Variants in SMYD3 observed in about 807,000 individuals in gnomAD.
SMYD3 encodes the protein SET and MYND domain containing 3.
A neutral mutation model predicts 57.7 loss-of-function variants in SMYD3; 36 were observed. That is an observed-to-expected ratio of 0.62 (90% CI 0.48 to 0.82). SMYD3 has a LOEUF of 0.82. Among genes scored for constraint, SMYD3 ranks in the 40% least tolerant of loss-of-function variants. The probability of loss-of-function intolerance (pLI) is 0.00; values close to 1 mark genes in which losing one functional copy is unlikely to be tolerated. For synonymous variants in SMYD3, 211 were observed against 195.0 expected (o/e 1.08, Z -0.68); for missense variants, 515 against 538.8 (o/e 0.96, Z 0.44).
chr1:246,425,654 T>C (rs1227329409), intron 1 of SMYD3, among the ~76,000 whole-genome samples: 1 of 152,226 alleles, frequency 6.6e-6, no homozygotes, highest in Non-Finnish European at 1.5e-5. Context: ...CCAATGGGAT[T>C]GAGCTTCAGT....
At chr1:246,489,357 A>T (rs960271430) in intron 1 of SMYD3, among the ~76,000 whole-genome samples, 18 of 152,170 alleles carry the variant, frequency 1.2e-4, no homozygotes, top group Non-Finnish European at 2.9e-5. Flanking sequence ...ATCTCAAAAA[A>T]AATAATAAAA....
intron 5 of SMYD3, among the ~76,000 whole-genome samples, chr1:246,295,561 G>A (rs1235466026): frequency 6.6e-6 from 1 of 152,134 alleles, no homozygotes. Flanking sequence ...TTGCAATCAA[G>A]ATGCTGGTGG....
intron 10 of SMYD3, among the ~76,000 whole-genome samples, chr1:245,798,538 G>C (rs2047699087): frequency 7.4e-6 from 1 of 135,226 alleles, no homozygotes; most frequent in Non-Finnish European, 1.6e-5. Flanking sequence ...GAGCCACCCA[G>C]CTTCTTAATC....
rs1202620775 is a variant in SMYD3 at position 246,328,965 on chromosome 1, T to A, written c.394+1515A>T. 4.6e-5 allele frequency among the ~76,000 whole-genome samples: 7 copies of A among 152,046 alleles called. No individual in the cohort carries two copies. The East Asian group carries it at 1.4e-3, about 29-fold the overall frequency. ...GTTTGGTTTTTTGTCCTTGCAATAG[T>A]TTACTGAGAATGATGATTTCCAATT... On this transcript the variant is annotated intron_variant, in intron 4 of 11. Transcript: ENST00000490107.
intron 5 of SMYD3, among the ~76,000 whole-genome samples, chr1:245,961,157 T>C (rs2147988302): frequency 6.6e-6 from 1 of 152,268 alleles, no homozygotes; most frequent in Admixed American, 6.5e-5. Context: ...CTCTGCATTC[T>C]CCCTTGGGCG....
chr1:245,970,606 C>T (rs1039055419), intron 5 of SMYD3, among the ~76,000 whole-genome samples: 10 of 151,616 alleles, frequency 6.6e-5, no homozygotes, highest in Non-Finnish European at 1.0e-4. Context: ...CTTAAATTTA[C>T]AAGAAAAAAA....
chr1:246,337,122 G>GT (rs1207087083), intron 2 of SMYD3, among the ~76,000 whole-genome samples: 1 of 152,202 alleles, frequency 6.6e-6, no homozygotes, highest in Admixed American at 6.5e-5. Flanking sequence ...ACAAGCTTCT[G>GT]TTGCTCAGGG....
intron 5 of SMYD3, among the ~76,000 whole-genome samples, chr1:246,220,682 T>C (rs1286655101): frequency 2.6e-5 from 4 of 152,170 alleles, no homozygotes; most frequent in Admixed American, 2.6e-4. Context: ...TGAGGCCCCA[T>C]TGTCAAGCCA....
intron 1 of SMYD3, among the ~76,000 whole-genome samples, chr1:246,373,015 T>G (rs940286138): frequency 3.9e-5 from 6 of 152,136 alleles, no homozygotes; most frequent in African/African-American, 1.4e-4. Flanking sequence ...CCTAAAGGTA[T>G]TCTAATCATA....
At chr1:245,904,768 G>A (rs1441629140) in intron 8 of SMYD3, among the ~76,000 whole-genome samples, 2 of 151,972 alleles carry the variant, frequency 1.3e-5, no homozygotes, top group South Asian at 2.1e-4. Flanking sequence ...TGGGACAGCC[G>A]AGAGAGTGCT....
intron 5 of SMYD3, chr1:246,035,601 T>C (rs998370905): frequency 6.6e-6 from 1 of 152,254 alleles, no homozygotes; most frequent in Non-Finnish European, 1.5e-5. Context: ...TGCGGATGCC[T>C]GTATGCTACA....
chr1:246,008,939 TCA>T (rs1406754647), intron 5 of SMYD3, among the ~76,000 whole-genome samples: 3 of 151,820 alleles, frequency 2.0e-5, no homozygotes, highest in Admixed American at 6.6e-5. Context: ...GGCTCTGGAG[TCA>T]CAGACTCAAG....
At chr1:246,086,714 A>G (rs112531334) in intron 5 of SMYD3, among the ~76,000 whole-genome samples, 2,649 of 151,658 alleles carry the variant, frequency 0.017, 67 homozygotes, top group African/African-American at 0.06. Context: ...TTTTTTTTTA[A>G]TTTTTTTAAT....
chr1:246,005,918 A>G (rs2059159931), intron 5 of SMYD3, among the ~76,000 whole-genome samples: 1 of 152,154 alleles, frequency 6.6e-6, no homozygotes, highest in Admixed American at 6.5e-5. Flanking sequence ...TGACATTTAA[A>G]GATGTTCATC....
intron 3 of SMYD3, among the ~76,000 whole-genome samples, chr1:246,331,405 G>T (rs2065459912): frequency 6.6e-6 from 1 of 152,158 alleles, no homozygotes; most frequent in Non-Finnish European, 1.5e-5. Context: ...CTGTGCATTA[G>T]TTTACAATAC....
intron 1 of SMYD3, among the ~76,000 whole-genome samples, chr1:246,453,371 T>A (rs2067658636): frequency 6.6e-6 from 1 of 152,202 alleles, no homozygotes; most frequent in Admixed American, 6.5e-5. Context: ...GTTGAAACAT[T>A]GTTATAAGTG....
At chr1:246,441,867 C>T (rs576417745) in intron 1 of SMYD3, among the ~76,000 whole-genome samples, 1 of 152,220 alleles carries the variant, frequency 6.6e-6, no homozygotes. Context: ...CCGCCTCGGG[C>T]CCCCAGGGTG....
chr1:246,092,533 C>A (rs867295775), intron 5 of SMYD3, among the ~76,000 whole-genome samples: 1 of 152,134 alleles, frequency 6.6e-6, no homozygotes, highest in Admixed American at 6.5e-5. Context: ...CATCAATAAA[C>A]GGTGCTGAGA....
intron 5 of SMYD3, among the ~76,000 whole-genome samples, chr1:246,106,024 C>T (rs1174879994): frequency 3.9e-5 from 6 of 152,206 alleles, no homozygotes; most frequent in Non-Finnish European, 2.9e-5. Flanking sequence ...AAGTCTTTTC[C>T]CTATTCAGTT....
Sources: gnomAD v4.1 joint callset for allele counts (sites outside exome capture counted in the v4.1 genomes callset) on GRCh38, gnomAD v4.1.1 for gene constraint, MANE v1.5 for transcripts, NCBI Gene and HGNC (gene_info 2026-07-23, HGNC 2026-07-21) for gene names.